The following AKR1C2 variants were observed in gnomAD, a reference collection of about 807,000 sequenced individuals.
The protein encoded by AKR1C2 is 3-alpha-HSD3.
In AKR1C2, 27 loss-of-function variants were observed where a neutral mutation model predicts 39.8. That is an observed-to-expected ratio of 0.68 (90% CI 0.50 to 0.93). AKR1C2 has a LOEUF of 0.93. Among genes scored for constraint, AKR1C2 ranks in the 40% least tolerant of loss-of-function variants. AKR1C2 has a pLI of 0.00. For missense variants in AKR1C2, 263 were observed against 365.1 expected (o/e 0.72, Z 2.28); for synonymous variants, 114 against 137.9 (o/e 0.83, Z 1.22).
intron 1 of AKR1C2, among the ~76,000 whole-genome samples, chr10:5,011,088 A>C (rs1220155852): frequency 6.6e-6 from 1 of 152,244 alleles, no homozygotes; most frequent in Non-Finnish European, 1.5e-5. Context: ...CAATTGGGAA[A>C]AATAATTGCA....
intron 5 of AKR1C2, among the ~76,000 whole-genome samples, chr10:4,996,719 A>G (rs1480489357): frequency 1.3e-5 from 2 of 151,936 alleles, no homozygotes; most frequent in African/African-American, 2.4e-5. Context: ...TTCACAGTAC[A>G]TTGCTAATTG....
In AKR1C2 at chr10:4,991,505, C is replaced by A. The variant is rs71230208; in HGVS notation, c.929+326G>T. ...AAACATCTAATGCGACCACATGGGC[C>A]ATATCCACAGTGTGTACACTAGACA... On this transcript the variant is annotated intron_variant, in intron 8 of 8. Coordinates refer to ENST00000380753, the MANE Select transcript of AKR1C2 (RefSeq NM_001393392.1). 9.1e-3 allele frequency among the ~76,000 whole-genome samples: 1,384 copies of A among 152,210 alleles called. 22 individuals are homozygous for A. Among genetic ancestry groups the A allele is most frequent in the African/African-American group, 0.03 (1,253 of 41,496 alleles).
upstream of AKR1C2, chr10:5,006,631 A>G (rs192677464): frequency 6.6e-6 from 1 of 152,284 alleles, no homozygotes. Flanking sequence ...GTACGAAGAT[A>G]AACATGACTC....
At chr10:5,002,367 G>C (rs1837300084) in intron 1 of AKR1C2, among the ~76,000 whole-genome samples, 1 of 152,162 alleles carries the variant, frequency 6.6e-6, no homozygotes, top group African/African-American at 2.4e-5. Context: ...ATGCCAGCAG[G>C]TTTATATTGG....
At chr10:5,009,449 G>C (rs2131722315) in intron 1 of AKR1C2, among the ~76,000 whole-genome samples, 1 of 152,072 alleles carries the variant, frequency 6.6e-6, no homozygotes, top group Middle Eastern at 3.4e-3. Context: ...CTCCTAGATA[G>C]GTCAACAAGC....
chr10:5,010,260 T>G (rs1446736739), intron 1 of AKR1C2: 5 of 151,610 alleles, frequency 3.3e-5, no homozygotes, highest in Non-Finnish European at 7.4e-5. Flanking sequence ...ATGCTCCCCC[T>G]CCCTCAAGCA....
At chr10:4,991,585 T>C (rs1836846852) in intron 8 of AKR1C2, among the ~76,000 whole-genome samples, 2 of 151,940 alleles carry the variant, frequency 1.3e-5, no homozygotes, top group Non-Finnish European at 2.9e-5. Flanking sequence ...TGATCTTGGC[T>C]GCTCTGGAAA....
chr10:5,012,133 G>A (rs1837536307), intron 1 of AKR1C2, among the ~76,000 whole-genome samples: 1 of 152,054 alleles, frequency 6.6e-6, no homozygotes, highest in Admixed American at 6.5e-5. Context: ...CAGAGCTAAG[G>A]AACAGGTTTT....
rs201369212 is a variant in AKR1C2, at chr10:5,001,600, T to C, written c.166A>G (p.Asn56Asp). The C allele has an allele frequency of 2.5e-6, 4 of 1,613,968 alleles. No individual in the cohort carries two copies. In the East Asian group the frequency reaches 8.9e-5, roughly 36 times the overall value. ...GCCAGTCCAACCTGCTCCTCATTAT[T>C]GTAAACATGTGCAGAATCAATATGG... The part of the protein sequence containing the change: ...FHHIDSAHVY[N>D]NEEQVGLAIR... The change falls in exon 2 of 9, where the codon AAT (asparagine) becomes GAT (aspartate). Residue 56 changes from asparagine to aspartate, a missense_variant. Coordinates refer to ENST00000380753, the MANE Select transcript of AKR1C2 (RefSeq NM_001393392.1).
chr10:5,014,345 T>G (rs538049162), intron 1 of AKR1C2, among the ~76,000 whole-genome samples: 1 of 152,218 alleles, frequency 6.6e-6, no homozygotes, highest in Non-Finnish European at 1.5e-5. Context: ...GGCTCGTTTT[T>G]AGCACAAAGG....
chr10:4,993,555 T>G (rs544812019), intron 7 of AKR1C2, among the ~76,000 whole-genome samples: 2 of 152,098 alleles, frequency 1.3e-5, no homozygotes, highest in Non-Finnish European at 2.9e-5. Flanking sequence ...CAGTAAAATA[T>G]TGTGATATTC....
At chr10:4,992,650 T>C (rs1174952749) in intron 7 of AKR1C2, among the ~76,000 whole-genome samples, 1 of 147,442 alleles carries the variant, frequency 6.8e-6, no homozygotes, top group Non-Finnish European at 1.5e-5. Context: ...TATCAAAAAC[T>C]ATTAAAATTA....
At chr10:5,003,902 C>A (rs1429418420), upstream of AKR1C2, 3 of 1,518,940 alleles carry the variant, frequency 2.0e-6, no homozygotes. Context: ...AATGAGCTGG[C>A]AACGCCCCTG....
upstream of AKR1C2, among the ~76,000 whole-genome samples, chr10:5,005,477 T>A (rs1344773420): frequency 7.9e-5 from 12 of 151,750 alleles, no homozygotes; most frequent in Non-Finnish European, 1.6e-4. Context: ...GGTTAGGAGA[T>A]GGAAACCATC....
intron 3 of AKR1C2, 99 bp from the exon 4 acceptor site, chr10:4,999,376 T>C: frequency 6.2e-7 from 1 of 1,607,642 alleles, no homozygotes; most frequent in Non-Finnish European, 8.5e-7. Context: ...CTCCATGAGG[T>C]AGGTGATGCA....
chr10:5,006,992 T>C (rs1554774479), upstream of AKR1C2, among the ~76,000 whole-genome samples: 1 of 149,498 alleles, frequency 6.7e-6, no homozygotes. Context: ...CAGGATGGTC[T>C]CTATTTCTTG....
intron 2 of AKR1C2, 146 bp from the exon 3 acceptor site, chr10:5,000,812 T>C (rs1276189726): frequency 1.5e-6 from 1 of 675,714 alleles, no homozygotes; most frequent in Non-Finnish European, 2.6e-6. Flanking sequence ...TGATGCCTTT[T>C]GTTCTGCCAT....
intron 2 of AKR1C2, among the ~76,000 whole-genome samples, chr10:5,001,027 G>T (rs1837252741): frequency 6.6e-6 from 1 of 152,142 alleles, no homozygotes; most frequent in African/African-American, 2.4e-5. Context: ...TATCTTTGTG[G>T]TTTGGAAACT....
chr10:5,005,576 G>A (rs782597648), upstream of AKR1C2, among the ~76,000 whole-genome samples: 7 of 152,124 alleles, frequency 4.6e-5, no homozygotes, highest in South Asian at 8.3e-4. Context: ...CCAGCTACTC[G>A]GTAGGCTAAA....
Sources: allele counts gnomAD v4.1 joint callset (sites outside exome capture counted in the v4.1 genomes callset), GRCh38; gene constraint gnomAD v4.1.1; transcripts MANE v1.5; gene names NCBI Gene and HGNC (gene_info 2026-07-23, HGNC 2026-07-21).